Variants in ENTPD8 observed in about 807,000 individuals in gnomAD.
The protein encoded by ENTPD8 is ectonucleoside triphosphate diphosphohydrolase 8, also known as E-NTPDase 8.
ENTPD8 carries 35 observed loss-of-function variants against 47.0 expected under a neutral mutation model. The ratio of observed to expected loss-of-function variants is 0.75; its 90% CI spans 0.57 to 0.99. ENTPD8 has a LOEUF of 0.99. Among genes scored for constraint, ENTPD8 ranks in the 50% least tolerant of loss-of-function variants. The pLI, the probability that ENTPD8 is intolerant of heterozygous loss-of-function variation, is 0.00. For missense variants in ENTPD8, 668 were observed against 649.9 expected, an observed-to-expected ratio of 1.03 and a Z score of -0.30; for synonymous variants, 308 against 290.5, an observed-to-expected ratio of 1.06 and a Z score of -0.61.
intron 5 of ENTPD8, 48 bp downstream of exon 5, chr9:137,436,821 C>T (rs1839376603): frequency 5.6e-6 from 9 of 1,605,732 alleles, no homozygotes; most frequent in Non-Finnish European, 7.7e-6. Flanking sequence ...CAGCCCCAGA[C>T]ACCAGCCCCT....
chr9:137,438,272 C>A lies in ENTPD8; in HGVS notation c.14G>T (p.Arg5Leu), dbSNP rs111636573. 1.3e-6 allele frequency: 2 copies of A among 1,587,152 alleles called. No individual in the cohort carries two copies. Among genetic ancestry groups the A allele is most frequent in the Non-Finnish European group, 1.7e-6 (2 of 1,166,992 alleles). ...CAGGGCCAAGAAGACCTGCTCCTTC[C>A]GGGACAGCCCCATGGTGCAGGTGGT... MGLS[R>L]KEQVFLALLG... The change falls in exon 2 of 10, where the codon CGG becomes CTG. Residue 5 changes from arginine to leucine, a missense_variant. Physicochemically the swap from Arg to Leu is moderately radical, Grantham distance 102 (BLOSUM62 -2). Coordinates refer to ENST00000371506, the MANE Select transcript of ENTPD8 (RefSeq NM_001033113.2). The surrounding 1 kb of genome is among the most constrained non-coding windows in gnomAD (Gnocchi z 5.7).
intron 1 of ENTPD8, among the ~76,000 whole-genome samples, chr9:137,439,649 C>G (rs1839465654): frequency 2.0e-5 from 3 of 152,060 alleles, no homozygotes; most frequent in African/African-American, 7.2e-5. Context: ...CAGACAGGGC[C>G]CAGCCTGTGT....
In ENTPD8 at chr9:137,434,825, G is replaced by C; in HGVS notation, c.*89C>G. 7.0e-7 allele frequency: 1 copy of C among 1,428,534 alleles called. No individual in the cohort carries two copies. The highest frequency in any genetic ancestry group is 9.3e-7 in the Non-Finnish European group (1 of 1,078,954). 88.5% of individuals were successfully genotyped at this position (1,428,534 alleles called of 1,614,324 possible). A position where few individuals can be genotyped will look rare whatever the true frequency, so the allele number is the denominator to read the frequency against. ...GACCGTGGGCAGAGCCACAGAGCAA[G>C]GCCCCACGGCGCTCAGGGCTCAGGA... On this transcript the variant is annotated 3_prime_UTR_variant, in exon 10 of 10. Coordinates refer to ENST00000371506, the MANE Select transcript of ENTPD8 (RefSeq NM_001033113.2).
chr9:137,436,991 C>A lies in ENTPD8; in HGVS notation c.433G>T (p.Ala145Ser). 1 of 1,612,938 alleles carries A rather than the reference C, an allele frequency of 6.2e-7. No homozygotes were observed. Among genetic ancestry groups the A allele is most frequent in the Non-Finnish European group, 8.5e-7 (1 of 1,179,938 alleles). The change falls in exon 5 of 10, where the codon GCA (alanine) becomes TCA (serine). Residue 145 changes from alanine to serine, a missense_variant. Transcript: ENST00000371506. ...NSSQARDIFA[A>S]VTQVLGRSPV... is the part of the protein sequence containing the mutation. ...GACCGGCCCAGGACCTGGGTGACTG[C>A]TGCAAAGATGTCCCTGGCCTGAGAG...
In ENTPD8 at chr9:137,436,212, A is replaced by C; in HGVS notation, c.851T>G (p.Leu284Arg). ...YLSGYQTTLA[L>R]GPLYESPCVH... ...ACAGGGTGACTCATACAGCGGGCCCAGGGCCAGTGTGGTCTGGTAGCCGCT... is the reference window on the plus strand; with the variant it reads ...ACAGGGTGACTCATACAGCGGGCCCCGGGCCAGTGTGGTCTGGTAGCCGCT... The change falls in exon 7 of 10, where the codon CTG (leucine) becomes CGG (arginine). Residue 284 changes from leucine to arginine, a missense_variant. Physicochemically the swap from Leu to Arg is moderately radical, Grantham distance 102. Coordinates refer to ENST00000371506, the MANE Select transcript of ENTPD8 (RefSeq NM_001033113.2). 6.2e-7 allele frequency: 1 copy of C among 1,611,822 alleles called. No homozygotes were observed. Among genetic ancestry groups the C allele is most frequent in the Middle Eastern group, 1.7e-4 (1 of 6,052 alleles).
chr9:137,436,668 G>A lies in ENTPD8; in HGVS notation c.639C>T (p.Ile213=), dbSNP rs1267367159. The change falls in exon 6 of 10, where the codon ATC becomes ATT. Residue 213 remains isoleucine, a synonymous_variant. Coordinates refer to ENST00000371506, the MANE Select transcript of ENTPD8 (RefSeq NM_001033113.2). ...AGATGGGGCCCCCAGGCACGAACGTGATCTGGGTGGAGGCCCCTCCCATGT... is the reference window on the plus strand; with the variant it reads ...AGATGGGGCCCCCAGGCACGAACGTAATCTGGGTGGAGGCCCCTCCCATGT... ...ALDMGGASTQ[I]TFVPGGPILD... The A allele has an allele frequency of 6.3e-7, 1 of 1,599,424 alleles. No homozygotes were observed. Among genetic ancestry groups the A allele is most frequent in the Non-Finnish European group, 8.5e-7 (1 of 1,173,560 alleles).
chr9:137,441,349 C>T lies in ENTPD8; in HGVS notation c.-84G>A, dbSNP rs1322400605. On this transcript the variant is annotated 5_prime_UTR_variant, in exon 1 of 10. Coordinates refer to ENST00000371506, the MANE Select transcript of ENTPD8 (RefSeq NM_001033113.2). ...AGCTGTGCTTAGACGCTTCTGTGTCCGCGCACCTGGCGTCCAGCCTCTCCC... is the reference window on the plus strand; with the variant it reads ...AGCTGTGCTTAGACGCTTCTGTGTCTGCGCACCTGGCGTCCAGCCTCTCCC... 8.8e-6 allele frequency: 2 copies of T among 227,158 alleles called. No homozygotes were observed. The highest frequency in any genetic ancestry group is 4.4e-5 in the South Asian group (1 of 22,542). The allele number at this position is 227,158 out of a possible 1,614,324, so 14.1% of individuals were successfully genotyped here.
In ENTPD8 at chr9:137,434,927, CAGA is replaced by C; in HGVS notation, c.1472_1474del (p.Phe491del). 5 of 1,610,486 alleles carry C rather than the reference CAGA, an allele frequency of 3.1e-6. No homozygotes were observed. The highest frequency in any genetic ancestry group is 4.2e-6 in the Non-Finnish European group (5 of 1,178,636). On this transcript the variant is annotated inframe_deletion, in exon 10 of 10. Coordinates refer to ENST00000371506, the MANE Select transcript of ENTPD8 (RefSeq NM_001033113.2). ...TCCGCCTTCCCACTAGTCCTGCAAC[CAGA>C]AGAGCTGGACCAAGGCAGCCCCCAC...
chr9:137,435,039 C>T lies in ENTPD8; in HGVS notation c.1363G>A (p.Asp455Asn), dbSNP rs746981536. The T allele has an allele frequency of 2.2e-5, 35 of 1,612,672 alleles. No homozygotes were observed. The highest frequency in any genetic ancestry group is 8.3e-5 in the Admixed American group (5 of 59,998). The change falls in exon 10 of 10, where the codon GAT becomes AAT. Residue 455 changes from aspartate to asparagine, a missense_variant. Transcript: ENST00000371506. Reference sequence around the variant, plus strand: ...TCTGCCCGCCACTGAGCCGGCGCATCGGCCGGGATCATCCCGGTCAGGTTC... The same window carrying T: ...TCTGCCCGCCACTGAGCCGGCGCATTGGCCGGGATCATCCCGGTCAGGTTC... ...MLNLTGMIPA[D>N]APAQWRAESY...
rs1180517098 is a variant in ENTPD8, at chr9:137,436,681, G to T, written c.626C>A (p.Ala209Asp). 1.3e-6 allele frequency: 2 copies of T among 1,598,404 alleles called. No individual in the cohort carries two copies. Among genetic ancestry groups the T allele is most frequent in the African/African-American group, 1.3e-5 (1 of 74,846 alleles). Residue 209 changes from alanine (A) to aspartate (D), a missense_variant, in exon 6 of 10, where the codon GCC becomes GAC. Coordinates refer to ENST00000371506, the MANE Select transcript of ENTPD8 (RefSeq NM_001033113.2). ...MLVGALDMGG[A>D]STQITFVPGG... The stretch of plus-strand genomic sequence containing the variant: ...AGGCACGAACGTGATCTGGGTGGAG[G>T]CCCCTCCCATGTCCAGGGCACCCAC...
chr9:137,437,951 A>G lies in ENTPD8; in HGVS notation c.244+16T>C. Reference sequence around the variant, plus strand: ...CAGGCAGGTCCCAGCACCGGGCTGCAGAACAGCCCACTAACCTTCCACCTG... The same window carrying G: ...CAGGCAGGTCCCAGCACCGGGCTGCGGAACAGCCCACTAACCTTCCACCTG... On this transcript the variant is annotated intron_variant, in intron 3 of 9. Transcript: ENST00000371506. The G allele has an allele frequency of 6.3e-7, 1 of 1,597,108 alleles. No homozygotes were observed. The highest frequency in any genetic ancestry group is 8.6e-7 in the Non-Finnish European group (1 of 1,166,874).
intron 3 of ENTPD8, 144 bp from the exon 4 acceptor site, chr9:137,437,453 G>C (rs1316908047): frequency 9.8e-7 from 1 of 1,024,946 alleles, no homozygotes; most frequent in Non-Finnish European, 1.4e-6. Flanking sequence ...AAGGAAGCAG[G>C]AAGGACCCTA....
chr9:137,437,375 AAAGAC>A, intron 3 of ENTPD8, 66 bp from the exon 4 acceptor site: 1 of 1,554,968 alleles, frequency 6.4e-7, no homozygotes, highest in Non-Finnish European at 8.7e-7. Flanking sequence ...GGTAGCCCCC[AAAGAC>A]ATGACCACCT....
At position 137,438,430 on chromosome 9, in the gene ENTPD8, C is replaced by A. The variant is rs1839428940; in HGVS notation, c.-20-125G>T. 3 of 1,112,902 alleles carry A rather than the reference C, an allele frequency of 2.7e-6. No homozygotes were observed. Among genetic ancestry groups the A allele is most frequent in the Non-Finnish European group, 3.7e-6 (3 of 814,830 alleles). 68.9% of individuals were successfully genotyped at this position (1,112,902 alleles called of 1,614,324 possible). A position where few individuals can be genotyped will look rare whatever the true frequency, so the allele number is the denominator to read the frequency against. ...CCTGGACAGCCACTTGCCTTAGAGG[C>A]ATCTCCGGGGCTCAGACGCCTCCCG... On this transcript the variant is annotated intron_variant, in intron 1 of 9. Coordinates refer to ENST00000371506, the MANE Select transcript of ENTPD8 (RefSeq NM_001033113.2). The surrounding 1 kb of genome is among the most constrained non-coding windows in gnomAD (Gnocchi z 5.7).
chr9:137,438,657 T>C lies in ENTPD8; in HGVS notation c.-20-352A>G, dbSNP rs1010583742. On this transcript the variant is annotated intron_variant, in intron 1 of 9. Transcript: ENST00000371506. The surrounding 1 kb of genome is among the most constrained non-coding windows in gnomAD (Gnocchi z 5.7). The stretch of plus-strand genomic sequence containing the variant: ...GGGCTCAGACGGTCTCCCGTGGCCA[T>C]AGAGGCATCCCCGGGGCTCAGACGC... Among the ~76,000 whole-genome samples, 2 of 150,744 alleles carry C rather than the reference T, an allele frequency of 1.3e-5. No homozygotes were observed. The highest frequency in any genetic ancestry group is 2.5e-5 in the African/African-American group (1 of 40,800).
intron 1 of ENTPD8, among the ~76,000 whole-genome samples, chr9:137,439,481 G>A (rs950787425): frequency 2.6e-5 from 4 of 152,292 alleles, no homozygotes; most frequent in Middle Eastern, 3.4e-3. Flanking sequence ...AGTGGCAGGC[G>A]CGGGTGCTGC....
rs1241942152 is a variant in ENTPD8 at position 137,435,804 on chromosome 9, A to G, written c.1076T>C (p.Phe359Ser). 1 of 1,613,528 alleles carries G rather than the reference A, an allele frequency of 6.2e-7. No individual in the cohort carries two copies. Among genetic ancestry groups the G allele is most frequent in the South Asian group, 1.1e-5 (1 of 90,978 alleles). Reference sequence around the variant, plus strand: ...CCTGGAGGTGAGGTTCAGGAAGTGGAAGGTGTAGTAGAAGTTGGAGAAGGC... The same window carrying G: ...CCTGGAGGTGAGGTTCAGGAAGTGGGAGGTGTAGTAGAAGTTGGAGAAGGC... ...FYAFSNFYYT[F>S]HFLNLTSRQP... is the part of the protein sequence containing the mutation. The change falls in exon 8 of 10, where the codon TTC becomes TCC. Residue 359 changes from phenylalanine (F) to serine (S), a missense_variant. Coordinates refer to ENST00000371506, the MANE Select transcript of ENTPD8 (RefSeq NM_001033113.2).
In ENTPD8 at chr9:137,435,103, C is replaced by T. The variant is rs771135023; in HGVS notation, c.1299G>A (p.Ala433=). The T allele has an allele frequency of 9.1e-5, 147 of 1,608,654 alleles. No homozygotes were observed. The highest frequency in any genetic ancestry group is 1.6e-4 in the Middle Eastern group (1 of 6,072). The change falls in exon 10 of 10, where the codon GCG becomes GCA. Residue 433 remains alanine, a splice_region_variant and synonymous_variant. Coordinates refer to ENST00000371506, the MANE Select transcript of ENTPD8 (RefSeq NM_001033113.2). ...TWPSLEFRKQ[A]GGVDIGWTLG... ...GTGTCCAGCCAATGTCCACACCGCC[C>T]GCCTGCGGGACACACGGCTGCTCAG...
At position 137,436,623 on chromosome 9, in the gene ENTPD8, G is replaced by A. The variant is rs201925184; in HGVS notation, c.684C>T (p.Ala228=). ...AGTCGGAGCCGTAGAGGCGAAAATC[G>A]GCCTGGGTGCTCTTGTCCAAGATGG... The part of the protein sequence containing the change: ...GGPILDKSTQ[A]DFRLYGSDYS... Residue 228 remains alanine, a synonymous_variant, in exon 6 of 10, where the codon GCC becomes GCT. Transcript: ENST00000371506. 1.0e-3 allele frequency: 1,656 copies of A among 1,608,748 alleles called. 1 individual carries two copies. The highest frequency in any genetic ancestry group is 1.2e-3 in the Non-Finnish European group (1,461 of 1,178,340).
Sources: gnomAD v4.1 joint callset for allele counts (sites outside exome capture counted in the v4.1 genomes callset) on GRCh38, gnomAD v4.1.1 for gene constraint, Gnocchi (gnomAD v3.1) non-coding constraint, MANE v1.5 for transcripts, NCBI Gene and HGNC (gene_info 2026-07-23, HGNC 2026-07-21) for gene names.